PDE1C: variants seen among roughly 807,000 people sequenced by gnomAD.
PDE1C encodes phosphodiesterase 1C, also known as dual specificity calcium/calmodulin-dependent 3',5'-cyclic nucleotide phosphodiesterase 1C.
A neutral mutation model predicts 93.1 loss-of-function variants in PDE1C; 62 were observed. That is an observed-to-expected ratio of 0.67 (90% CI 0.54 to 0.82). The LOEUF is 0.82. PDE1C is among the 40% of genes least tolerant of loss of function. The pLI, the probability that PDE1C is intolerant of heterozygous loss-of-function variation, is 0.00. For synonymous variants in PDE1C, 325 were observed against 310.1 expected, an observed-to-expected ratio of 1.05 and a Z score of -0.50; for missense variants, 742 against 884.6, an observed-to-expected ratio of 0.84 and a Z score of 2.04.
At chr7:31,879,657 T>C (rs1797009349) in intron 3 of PDE1C, among the ~76,000 whole-genome samples, 1 of 152,226 alleles carries the variant, frequency 6.6e-6, no homozygotes, top group Admixed American at 6.5e-5. Context: ...TCTTTCCAGG[T>C]TGCTACCAAA....
chr7:31,986,315 C>T (rs1783390134), intron 2 of PDE1C, among the ~76,000 whole-genome samples: 1 of 151,858 alleles, frequency 6.6e-6, no homozygotes, highest in South Asian at 2.1e-4. Flanking sequence ...CTCCCTATGG[C>T]CTCTTCCGAT....
At chr7:32,279,729 T>C (rs1183695553) in intron 1 of PDE1C, among the ~76,000 whole-genome samples, 1 of 152,068 alleles carries the variant, frequency 6.6e-6, no homozygotes, top group Non-Finnish European at 1.5e-5. Context: ...AGAGCAAATA[T>C]AATAATTATA....
intron 1 of PDE1C, among the ~76,000 whole-genome samples, chr7:32,057,878 T>C (rs1234894655): frequency 6.6e-6 from 1 of 152,218 alleles, no homozygotes; most frequent in Admixed American, 6.5e-5. Flanking sequence ...TTGTTTCTAA[T>C]AGCCTGGATA....
At chr7:31,872,383 T>G (rs1305244694) in intron 6 of PDE1C, among the ~76,000 whole-genome samples, 3 of 151,992 alleles carry the variant, frequency 2.0e-5, no homozygotes, top group Non-Finnish European at 4.4e-5. Flanking sequence ...AAGAGAGGAC[T>G]TGAAATGTTC....
At chr7:32,045,517 T>C (rs991177831) in intron 2 of PDE1C, among the ~76,000 whole-genome samples, 5 of 152,224 alleles carry the variant, frequency 3.3e-5, no homozygotes, top group African/African-American at 1.2e-4. Context: ...ATGTTACCAC[T>C]TAGGCTCTGA....
At chr7:31,977,322 A>T (rs929782473) in intron 2 of PDE1C, among the ~76,000 whole-genome samples, 1 of 152,168 alleles carries the variant, frequency 6.6e-6, no homozygotes, top group Non-Finnish European at 1.5e-5. Flanking sequence ...GGTCCTCGCC[A>T]GATGCCAGTG....
chr7:31,868,985 C>A (rs1356413036), intron 6 of PDE1C, among the ~76,000 whole-genome samples: 1 of 151,814 alleles, frequency 6.6e-6, no homozygotes, highest in South Asian at 2.1e-4. Context: ...CTTTCCCACA[C>A]AAGCAAATGC....
At chr7:32,255,147 G>A (rs183775175) in intron 1 of PDE1C, among the ~76,000 whole-genome samples, 20 of 152,284 alleles carry the variant, frequency 1.3e-4, no homozygotes, top group Admixed American at 3.9e-4. Flanking sequence ...GGCCCAGCGC[G>A]TGAACCCAGG....
chr7:31,731,330 C>T, the PDE1C span, among the ~76,000 whole-genome samples: 1 of 152,060 alleles, frequency 6.6e-6, no homozygotes, highest in Admixed American at 6.5e-5. Context: ...TAGCCAATCA[C>T]TGGCTAGGAA....
chr7:32,143,271 T>C (rs1800639481), intron 3 of PDE1C, among the ~76,000 whole-genome samples: 1 of 150,908 alleles, frequency 6.6e-6, no homozygotes. Context: ...AGCAAGGCAG[T>C]AAAAGGAACA....
chr7:32,205,552 C>G (rs897744985), intron 2 of PDE1C, among the ~76,000 whole-genome samples: 6 of 152,076 alleles, frequency 3.9e-5, no homozygotes, highest in African/African-American at 1.4e-4. Context: ...GTAAAATGGA[C>G]CAATCAGCAG....
chr7:31,772,230 G>A (rs149755766), intron 17 of PDE1C, among the ~76,000 whole-genome samples: 4 of 151,998 alleles, frequency 2.6e-5, no homozygotes, highest in Non-Finnish European at 5.9e-5. Flanking sequence ...AAGCTAGCTC[G>A]GTCTGGCAGA....
chr7:32,011,744 C>A (rs1787149271), intron 2 of PDE1C, among the ~76,000 whole-genome samples: 1 of 152,232 alleles, frequency 6.6e-6, no homozygotes, highest in South Asian at 2.1e-4. Flanking sequence ...TAAAATGGTA[C>A]AACTTTGGAA....
intron 1 of PDE1C, among the ~76,000 whole-genome samples, chr7:32,400,857 CT>C (rs1162231285): frequency 6.6e-6 from 1 of 152,232 alleles, no homozygotes; most frequent in Non-Finnish European, 1.5e-5. Flanking sequence ...GACATAGTTC[CT>C]GCTGAATGAG....
At chr7:31,681,386 T>TGGAC in the PDE1C span, among the ~76,000 whole-genome samples, 1 of 150,066 alleles carries the variant, frequency 6.7e-6, no homozygotes, top group Non-Finnish European at 1.5e-5. Flanking sequence ...GATGGATGGA[T>TGGAC]GGATGGATGG....
intron 1 of PDE1C, among the ~76,000 whole-genome samples, chr7:32,334,454 G>A (rs1783574161): frequency 6.6e-6 from 1 of 152,040 alleles, no homozygotes; most frequent in South Asian, 2.1e-4. Flanking sequence ...TTCCCCCATA[G>A]GTTATTGGGG....
chr7:31,654,502 C>G, the PDE1C span, among the ~76,000 whole-genome samples: 35 of 152,268 alleles, frequency 2.3e-4, no homozygotes, highest in African/African-American at 7.5e-4. Flanking sequence ...GTCATGCTGG[C>G]TGCTTTATGG....
At chr7:31,672,393 A>C in the PDE1C span, among the ~76,000 whole-genome samples, 1 of 152,126 alleles carries the variant, frequency 6.6e-6, no homozygotes, top group Admixed American at 6.5e-5. Flanking sequence ...ATCACCTCTC[A>C]ATATACACAT....
At chr7:32,004,870 AC>A (rs1370146338) in intron 2 of PDE1C, among the ~76,000 whole-genome samples, 1 of 152,264 alleles carries the variant, frequency 6.6e-6, no homozygotes, top group Non-Finnish European at 1.5e-5. Context: ...AACAGAATAC[AC>A]TTTTTAACAT....
Sources: allele counts gnomAD v4.1 joint callset (sites outside exome capture counted in the v4.1 genomes callset), GRCh38; gene constraint gnomAD v4.1.1; transcripts MANE v1.5; gene names NCBI Gene and HGNC (gene_info 2026-07-23, HGNC 2026-07-21).